CRYBA4: variants seen among roughly 807,000 people sequenced by gnomAD.
The protein encoded by CRYBA4 is crystallin beta A4, also known as beta-crystallin A4.
Under a neutral mutation model 31.7 loss-of-function variants are expected in CRYBA4, and 30 were observed. The ratio of observed to expected loss-of-function variants is 0.95; its 90% CI spans 0.71 to 1.28. CRYBA4 has a LOEUF of 1.28. CRYBA4 is among the 50% of genes most tolerant of loss of function. The pLI is 0.00. For missense variants in CRYBA4, 225 were observed against 260.7 expected (o/e 0.86, Z 0.94); for synonymous variants, 102 against 102.3 (o/e 1.00, Z 0.02).
At chr22:26,597,104 A>G in the CRYBA4 span, among the ~76,000 whole-genome samples, 2 of 152,194 alleles carry the variant, frequency 1.3e-5, no homozygotes, top group Non-Finnish European at 2.9e-5. Flanking sequence ...CCTGTCCAAG[A>G]TTATGTGAGG....
At chr22:26,611,422 C>T in the CRYBA4 span, among the ~76,000 whole-genome samples, 1 of 151,932 alleles carries the variant, frequency 6.6e-6, no homozygotes, top group Non-Finnish European at 1.5e-5. Flanking sequence ...ACTCTTTGAC[C>T]TCTCTCAGCC....
the CRYBA4 span, among the ~76,000 whole-genome samples, chr22:26,615,935 G>A: frequency 6.6e-6 from 1 of 152,134 alleles, no homozygotes; most frequent in Non-Finnish European, 1.5e-5. Context: ...AAAGAGAATA[G>A]GGACAGAGGA....
intron 4 of CRYBA4, among the ~76,000 whole-genome samples, chr22:26,628,024 C>G (rs1487647893): frequency 6.6e-6 from 1 of 152,160 alleles, no homozygotes; most frequent in Non-Finnish European, 1.5e-5. Flanking sequence ...TAAAAGTTGA[C>G]TCCTTTTTTT....
chr22:26,630,585 C>T lies in CRYBA4; in HGVS notation c.*98C>T, dbSNP rs1299428453. On this transcript the variant is annotated 3_prime_UTR_variant, in exon 6 of 6. Transcript: ENST00000354760. Reference sequence around the variant, plus strand: ...CTCTCCTTCTGCCTCCCCCTGTAACCTGTGTGAACCCAGCACCCATGTGAA... The same window carrying T: ...CTCTCCTTCTGCCTCCCCCTGTAACTTGTGTGAACCCAGCACCCATGTGAA... 3.3e-5 allele frequency: 35 copies of T among 1,048,914 alleles called. No homozygotes were observed. Among genetic ancestry groups the T allele is most frequent in the Middle Eastern group, 2.6e-4 (1 of 3,794 alleles). 65.0% of individuals were successfully genotyped at this position (1,048,914 alleles called of 1,614,324 possible).
At chr22:26,606,342 A>G in the CRYBA4 span, among the ~76,000 whole-genome samples, 1 of 152,250 alleles carries the variant, frequency 6.6e-6, no homozygotes, top group Non-Finnish European at 1.5e-5. Context: ...AACCAATATA[A>G]TGATATCAAT....
the CRYBA4 span, among the ~76,000 whole-genome samples, chr22:26,592,226 A>T: frequency 6.6e-6 from 1 of 152,216 alleles, no homozygotes; most frequent in Non-Finnish European, 1.5e-5. Flanking sequence ...GATGAAAAAA[A>T]TGGAGTTCAG....
the CRYBA4 span, among the ~76,000 whole-genome samples, chr22:26,614,688 A>G: frequency 1.3e-5 from 2 of 152,206 alleles, no homozygotes; most frequent in African/African-American, 4.8e-5. Context: ...GCATATTTCA[A>G]TAAATTAAAA....
chr22:26,624,395 A>C (rs1929640460), intron 3 of CRYBA4, among the ~76,000 whole-genome samples: 1 of 152,134 alleles, frequency 6.6e-6, no homozygotes, highest in African/African-American at 2.4e-5. Context: ...TATTGGATAG[A>C]AGGTTCTAGA....
chr22:26,616,125 C>T, the CRYBA4 span: 7 of 1,611,400 alleles, frequency 4.3e-6, no homozygotes, highest in Middle Eastern at 8.3e-4. Context: ...AGCCACTGCA[C>T]CCCCAGGTCC....
the CRYBA4 span, chr22:26,599,173 T>C: frequency 2.6e-6 from 1 of 386,666 alleles, no homozygotes. Context: ...CTCACAGGTG[T>C]ATCTGGGTTT....
chr22:26,612,289 A>T, the CRYBA4 span: 3 of 773,950 alleles, frequency 3.9e-6, no homozygotes, highest in Non-Finnish European at 6.9e-6. Flanking sequence ...CAGGAGTCAC[A>T]TAAAAGTGTG....
the CRYBA4 span, chr22:26,607,843 T>C: frequency 6.2e-7 from 1 of 1,613,600 alleles, no homozygotes; most frequent in Non-Finnish European, 8.5e-7. Context: ...ACACCTGCCC[T>C]GCCCCGCCTG....
At chr22:26,611,710 G>A in the CRYBA4 span, among the ~76,000 whole-genome samples, 10 of 152,116 alleles carry the variant, frequency 6.6e-5, no homozygotes, top group South Asian at 6.2e-4. Flanking sequence ...TCCTGACCTC[G>A]TGATCCACCC....
chr22:26,625,299 C>T (rs1173004614), intron 3 of CRYBA4, among the ~76,000 whole-genome samples, 182 bp from the exon 4 acceptor site: 1 of 152,154 alleles, frequency 6.6e-6, no homozygotes, highest in Non-Finnish European at 1.5e-5. Flanking sequence ...CGATAGATGG[C>T]CTTCGCAGTC....
chr22:26,621,739 G>A (rs1382652998), upstream of CRYBA4, among the ~76,000 whole-genome samples: 4 of 152,192 alleles, frequency 2.6e-5, no homozygotes, highest in African/African-American at 4.8e-5. Context: ...GCTGATGAGG[G>A]CCAATATTCC....
rs1280442688 is a variant in CRYBA4, at chr22:26,630,383, G to A, written c.487G>A (p.Val163Met). The change falls in exon 6 of 6, where the codon GTG becomes ATG. Residue 163 changes from valine to methionine, a missense_variant. By Grantham distance (21) the Val-to-Met change is conservative (BLOSUM62 1). Transcript: ENST00000354760. ...TCCGGGCTACCGAGGATTTCAGTATGTGCTGGAATGCGATCACCATTCCGG... is the reference window on the plus strand; with the variant it reads ...TCCGGGCTACCGAGGATTTCAGTATATGCTGGAATGCGATCACCATTCCGG... ...QFPGYRGFQY[V>M]LECDHHSGDY... The A allele has an allele frequency of 3.7e-6, 6 of 1,614,132 alleles. No individual in the cohort carries two copies. The highest frequency in any genetic ancestry group is 2.7e-5 in the African/African-American group (2 of 74,960).
the CRYBA4 span, among the ~76,000 whole-genome samples, chr22:26,609,467 T>C: frequency 2.0e-5 from 3 of 151,884 alleles, no homozygotes; most frequent in African/African-American, 7.3e-5. Flanking sequence ...GATGGACAGA[T>C]GAATGGATGC....
chr22:26,604,076 A>C, the CRYBA4 span, among the ~76,000 whole-genome samples: 1 of 152,212 alleles, frequency 6.6e-6, no homozygotes, highest in African/African-American at 2.4e-5. Flanking sequence ...CCATCTTTTC[A>C]AAAGTCATCA....
chr22:26,597,710 G>A, the CRYBA4 span, among the ~76,000 whole-genome samples: 2 of 152,090 alleles, frequency 1.3e-5, no homozygotes. Context: ...ATAGTGTCTG[G>A]CACAGATTTC....
Sources: gnomAD v4.1 joint callset for allele counts (sites outside exome capture counted in the v4.1 genomes callset) on GRCh38, gnomAD v4.1.1 for gene constraint, MANE v1.5 for transcripts, NCBI Gene and HGNC (gene_info 2026-07-23, HGNC 2026-07-21) for gene names.